DZIP1: variants seen among roughly 807,000 people sequenced by gnomAD.
DZIP1 encodes DAZ interacting zinc finger protein 1, also known as cilium assembly protein DZIP1.
DZIP1 carries 97 observed loss-of-function variants against 107.6 expected under a neutral mutation model. The observed-to-expected ratio is 0.90, with a 90% CI of 0.77 to 1.07. The LOEUF (loss-of-function observed/expected upper bound fraction) is 1.07, where lower values mean the gene tolerates loss of function less well. Ranked by LOEUF, DZIP1 falls within the 50% of genes least tolerant of loss-of-function variation. DZIP1 has a pLI of 0.00. For synonymous variants in DZIP1, 390 were observed against 386.4 expected, an observed-to-expected ratio of 1.01 and a Z score of -0.11; for missense variants, 1,035 against 1,063.6, an observed-to-expected ratio of 0.97 and a Z score of 0.37.
rs1404801400 is a variant in DZIP1, at chr13:95,579,507, C to T, written c.*2727G>A. The T allele has an allele frequency of 1.3e-5, 2 of 152,108 alleles. No homozygotes were observed. The highest frequency in any genetic ancestry group is 6.5e-5 in the Admixed American group (1 of 15,272). The allele number at this position is 152,108 out of a possible 1,614,324, so 9.4% of individuals were successfully genotyped here. A position where few individuals can be genotyped will look rare whatever the true frequency, so the allele number is the denominator to read the frequency against. Reference sequence around the variant, plus strand: ...CTTAAATAATTTGCCACAGTAATGTCGAAACTAGGCCTTTGAACCAAGGCA... The same window carrying T: ...CTTAAATAATTTGCCACAGTAATGTTGAAACTAGGCCTTTGAACCAAGGCA... On this transcript the variant is annotated 3_prime_UTR_variant, in exon 23 of 23. Transcript: ENST00000376829.
At position 95,624,798 on chromosome 13, in the gene DZIP1, T is replaced by C. The variant is rs1180103144; in HGVS notation, c.942A>G (p.Glu314=). 1.2e-6 allele frequency: 2 copies of C among 1,605,600 alleles called. No homozygotes were observed. Among genetic ancestry groups the C allele is most frequent in the Middle Eastern group, 1.7e-4 (1 of 6,036 alleles). The change falls in exon 8 of 23, where the codon GAA becomes GAG. Residue 314 remains glutamate (E), a synonymous_variant. Transcript: ENST00000376829. ...CTAATGCTGAATTCTTCGAAGTTAA[T>C]TCTTTAAATTCCTTCATAAACATCT... The part of the protein sequence containing the change: ...VKEMFMKEFK[E]LTSKNSALEY...
At chr13:95,627,788 T>C (rs1031364218) in intron 7 of DZIP1, among the ~76,000 whole-genome samples, 5 of 152,168 alleles carry the variant, frequency 3.3e-5, no homozygotes, top group African/African-American at 1.2e-4. Flanking sequence ...CCTAAGTATA[T>C]AATCAAGAAA....
At chr13:95,630,766 A>G in intron 6 of DZIP1, 1 of 1,287,662 alleles carries the variant, frequency 7.8e-7, no homozygotes, top group Non-Finnish European at 1.0e-6. Context: ...GAGTGTAGAC[A>G]TGAAAGGTAT....
intron 14 of DZIP1, among the ~76,000 whole-genome samples, chr13:95,602,454 T>C (rs2044644456): frequency 6.6e-6 from 1 of 152,208 alleles, no homozygotes; most frequent in African/African-American, 2.4e-5. Flanking sequence ...TGTGGTCTCC[T>C]TTATAAGCTG....
In DZIP1 at chr13:95,587,597, G is replaced by A. The variant is rs773635726; in HGVS notation, c.2160C>T (p.Asp720=). ...GSFGKNTVKS[D]ADGTEGSEIE... is the part of the protein sequence containing the mutation. ...TTTCGCTTCCCTCGGTCCCGTCCGCGTCACTTTTCACTGTGTTCTTCCCGA... is the reference window on the plus strand; with the variant it reads ...TTTCGCTTCCCTCGGTCCCGTCCGCATCACTTTTCACTGTGTTCTTCCCGA... Residue 720 remains aspartate (D), a synonymous_variant, in exon 20 of 23, where the codon GAC becomes GAT. Transcript: ENST00000376829. The A allele has an allele frequency of 8.7e-6, 14 of 1,613,940 alleles. No homozygotes were observed. In the Admixed American group the frequency reaches 1.3e-4, roughly 15 times the overall value.
chr13:95,594,861 C>T (rs1373343085), intron 15 of DZIP1, among the ~76,000 whole-genome samples: 1 of 99,876 alleles, frequency 1.0e-5, no homozygotes, highest in Non-Finnish European at 2.0e-5. Flanking sequence ...CCATCCCTAT[C>T]CCTTTTTTAT....
At chr13:95,613,120 A>G (rs1010202556) in intron 10 of DZIP1, among the ~76,000 whole-genome samples, 2 of 152,254 alleles carry the variant, frequency 1.3e-5, no homozygotes, top group African/African-American at 4.8e-5. Flanking sequence ...ACTGGACAAA[A>G]AGAATTCAAG....
chr13:95,615,536 T>C (rs1184030485), intron 10 of DZIP1, among the ~76,000 whole-genome samples: 1 of 152,148 alleles, frequency 6.6e-6, no homozygotes, highest in Non-Finnish European at 1.5e-5. Context: ...TAAATCAAGA[T>C]CTCAGGGAGT....
chr13:95,606,965 C>T (rs777017686), intron 13 of DZIP1, among the ~76,000 whole-genome samples: 98 of 152,110 alleles, frequency 6.4e-4, no homozygotes, highest in Non-Finnish European at 1.2e-3. Context: ...ATTAGTTTAC[C>T]GCTTCTTTCT....
chr13:95,610,250 A>G (rs1168115713), intron 12 of DZIP1, among the ~76,000 whole-genome samples: 1 of 152,060 alleles, frequency 6.6e-6, no homozygotes, highest in Admixed American at 6.5e-5. Flanking sequence ...ACCCCCAAAC[A>G]GCCACAGTTG....
At chr13:95,595,693 T>C (rs1275933720) in intron 15 of DZIP1, among the ~76,000 whole-genome samples, 1 of 151,948 alleles carries the variant, frequency 6.6e-6, no homozygotes, top group Non-Finnish European at 1.5e-5. Flanking sequence ...CCTGGAAGTC[T>C]TGGTGCTACC....
intron 8 of DZIP1, 113 bp from the exon 9 acceptor site, chr13:95,622,593 G>A (rs1046739362): frequency 3.0e-5 from 36 of 1,184,162 alleles, no homozygotes; most frequent in African/African-American, 1.1e-4. Context: ...CCTCTTGGAC[G>A]CTCCTGGACG....
chr13:95,638,165 T>C (rs867602094), intron 5 of DZIP1, among the ~76,000 whole-genome samples: 1 of 150,884 alleles, frequency 6.6e-6, no homozygotes, highest in Non-Finnish European at 1.5e-5. Flanking sequence ...TCCCAGCTCA[T>C]TGCAACCTCC....
In DZIP1 at chr13:95,622,555, C is replaced by G. The variant is rs1876017113; in HGVS notation, c.973-75G>C. On this transcript the variant is annotated intron_variant, in intron 8 of 22. Coordinates refer to ENST00000376829, the MANE Select transcript of DZIP1 (RefSeq NM_198968.4). ...GGAAACAGAGAATAAAATCAGGGAG[C>G]ACATAGCTGTGTTTTAAATCTGACT... 1.9e-6 allele frequency: 3 copies of G among 1,564,512 alleles called. No individual in the cohort carries two copies. In the East Asian group the frequency reaches 6.7e-5, roughly 35 times the overall value.
chr13:95,639,894 A>G (rs911860341), intron 5 of DZIP1, among the ~76,000 whole-genome samples: 2 of 152,144 alleles, frequency 1.3e-5, no homozygotes, highest in African/African-American at 4.8e-5. Flanking sequence ...AGCAATGCCC[A>G]GTGTCATTTG....
chr13:95,580,393 A>AAAAG lies in DZIP1; in HGVS notation c.*1837_*1840dup, dbSNP rs2043997130. 1.3e-5 allele frequency: 2 copies of AAAAG among 152,124 alleles called. No homozygotes were observed. The highest frequency in any genetic ancestry group is 1.3e-4 in the Admixed American group (2 of 15,262). The allele number at this position is 152,124 out of a possible 1,614,324, so 9.4% of individuals were successfully genotyped here. A position where few individuals can be genotyped will look rare whatever the true frequency, so the allele number is the denominator to read the frequency against. On this transcript the variant is annotated 3_prime_UTR_variant, in exon 23 of 23. Coordinates refer to ENST00000376829, the MANE Select transcript of DZIP1 (RefSeq NM_198968.4). The stretch of plus-strand genomic sequence containing the variant: ...CATGTAAGCTAAAGGAGGGGCTCTT[A>AAAAG]AAAGACACAGATATAGTGACTTAAT...
chr13:95,630,124 A>G lies in DZIP1; in HGVS notation c.686-11T>C, dbSNP rs1309543444. ...CATTTTTCTGATACTCTGTTGCAAC[A>G]GAAAATCGTGTTAAAACACCATCTC... is the stretch of plus-strand genomic sequence containing the variant. On this transcript the variant is annotated splice_polypyrimidine_tract_variant and intron_variant, in intron 6 of 22. Transcript: ENST00000376829. 1 of 1,607,642 alleles carries G rather than the reference A, an allele frequency of 6.2e-7. No homozygotes were observed. The highest frequency in any genetic ancestry group is 2.2e-5 in the East Asian group (1 of 44,772).
intron 5 of DZIP1, among the ~76,000 whole-genome samples, chr13:95,638,726 C>G (rs2038782): frequency 0.81 from 123,113 of 152,038 alleles, 50,854 homozygotes; most frequent in Non-Finnish European, 0.9. Context: ...CTGTCTGTGT[C>G]TTCAAGCCTT....
chr13:95,590,131 C>T (rs1413233838), intron 17 of DZIP1, 148 bp downstream of exon 17: 1 of 1,030,786 alleles, frequency 9.7e-7, no homozygotes, highest in Non-Finnish European at 1.4e-6. Context: ...ATAGTACAAA[C>T]AGTAAAAGAG....
Sources: gnomAD v4.1 joint callset for allele counts (sites outside exome capture counted in the v4.1 genomes callset) on GRCh38, gnomAD v4.1.1 for gene constraint, MANE v1.5 for transcripts, NCBI Gene and HGNC (gene_info 2026-07-23, HGNC 2026-07-21) for gene names.